RBMS1: variants seen among roughly 807,000 people sequenced by gnomAD.
RBMS1 encodes the protein RNA binding motif single stranded interacting protein 1, also known as RNA-binding motif, single-stranded-interacting protein 1.
Under a neutral mutation model 62.3 loss-of-function variants are expected in RBMS1, and 17 were observed. That is an observed-to-expected ratio of 0.27 (90% CI 0.19 to 0.41). The LOEUF (loss-of-function observed/expected upper bound fraction) is 0.41, where lower values mean the gene tolerates loss of function less well. Ranked by LOEUF, RBMS1 falls within the 10% of genes least tolerant of loss-of-function variation. The probability of loss-of-function intolerance (pLI) is 1.00; values close to 1 mark genes in which losing one functional copy is unlikely to be tolerated. For missense variants in RBMS1, 334 were observed against 504.5 expected (o/e 0.66, Z 3.24); for synonymous variants, 172 against 170.0 (o/e 1.01, Z -0.09).
chr2:160,295,210 G>A (rs573356620), intron 6 of RBMS1, among the ~76,000 whole-genome samples: 1 of 152,256 alleles, frequency 6.6e-6, no homozygotes, highest in African/African-American at 2.4e-5. Flanking sequence ...GCAAAAAGGT[G>A]GTATCCAAAA....
chr2:160,294,076 T>C (rs891660019), intron 6 of RBMS1, among the ~76,000 whole-genome samples: 7 of 152,190 alleles, frequency 4.6e-5, no homozygotes, highest in South Asian at 2.1e-4. Context: ...TTTACCCTGG[T>C]TGGGGACATT....
At chr2:160,377,535 G>A (rs992770235) in intron 1 of RBMS1, among the ~76,000 whole-genome samples, 1 of 152,236 alleles carries the variant, frequency 6.6e-6, no homozygotes, top group Non-Finnish European at 1.5e-5. Flanking sequence ...CCCCCTTCCA[G>A]CTTTAAGGAG....
At chr2:160,426,120 G>C (rs1559536789) in intron 1 of RBMS1, among the ~76,000 whole-genome samples, 1 of 151,842 alleles carries the variant, frequency 6.6e-6, no homozygotes. Context: ...TGCAGTCCTT[G>C]CACTTCCACG....
intron 2 of RBMS1, among the ~76,000 whole-genome samples, chr2:160,327,163 G>A (rs1353580519): frequency 6.6e-6 from 1 of 152,066 alleles, no homozygotes; most frequent in Non-Finnish European, 1.5e-5. Context: ...CTACATACCT[G>A]ATTTTTCATA....
chr2:160,331,581 G>GA (rs1691276833), intron 2 of RBMS1, among the ~76,000 whole-genome samples: 1 of 152,188 alleles, frequency 6.6e-6, no homozygotes, highest in Non-Finnish European at 1.5e-5. Flanking sequence ...TTGACATTCA[G>GA]AAGAAAGGAG....
At chr2:160,458,760 G>T (rs1318941150) in intron 1 of RBMS1, among the ~76,000 whole-genome samples, 1 of 150,390 alleles carries the variant, frequency 6.6e-6, no homozygotes, top group African/African-American at 2.5e-5. Context: ...TCGTGCCATT[G>T]CACTCCAGCT....
chr2:160,380,329 C>T (rs1298572533), intron 1 of RBMS1, among the ~76,000 whole-genome samples: 1 of 152,100 alleles, frequency 6.6e-6, no homozygotes, highest in Non-Finnish European at 1.5e-5. Flanking sequence ...AAGGGAAAAA[C>T]AGACTAGAGC....
chr2:160,342,324 A>T (rs1691914553), intron 2 of RBMS1, among the ~76,000 whole-genome samples: 1 of 152,168 alleles, frequency 6.6e-6, no homozygotes, highest in African/African-American at 2.4e-5. Flanking sequence ...ATTTGTTAAT[A>T]GTGCCAGTGG....
chr2:160,481,309 AT>A (rs1685360812), intron 1 of RBMS1, among the ~76,000 whole-genome samples: 1 of 150,054 alleles, frequency 6.7e-6, no homozygotes, highest in South Asian at 2.1e-4. Flanking sequence ...TTGGAAATTG[AT>A]TGCAGGCCTA....
intron 1 of RBMS1, among the ~76,000 whole-genome samples, chr2:160,453,119 TA>T (rs1684063667): frequency 6.6e-6 from 1 of 151,934 alleles, no homozygotes; most frequent in South Asian, 2.1e-4. Context: ...TGATGATGCT[TA>T]TTATTACTAT....
intron 1 of RBMS1, chr2:160,492,926 A>G: frequency 4.6e-6 from 1 of 217,758 alleles, no homozygotes; most frequent in Admixed American, 6.0e-5. Context: ...AAGCCGGGCC[A>G]CCAGCGGATC....
rs926130160 is a variant in RBMS1, at chr2:160,308,476, C to T, written c.402+4680G>A. Reference sequence around the variant, plus strand: ...TGTTTCAGGTGCTCCTTTATCCAGACAGCATAAAGGGGCTAAGTCAAGTCT... The same window carrying T: ...TGTTTCAGGTGCTCCTTTATCCAGATAGCATAAAGGGGCTAAGTCAAGTCT... On this transcript the variant is annotated intron_variant, in intron 4 of 13. Coordinates refer to ENST00000348849, the MANE Select transcript of RBMS1 (RefSeq NM_016836.4). Among the ~76,000 whole-genome samples the T allele has an allele frequency of 2.6e-5, 4 of 152,254 alleles. No individual in the cohort carries two copies. The East Asian group carries it at 7.7e-4, about 29-fold the overall frequency.
chr2:160,438,943 C>T (rs1256861009), intron 1 of RBMS1, among the ~76,000 whole-genome samples: 1 of 150,620 alleles, frequency 6.6e-6, no homozygotes, highest in Non-Finnish European at 1.5e-5. Flanking sequence ...AGAGGGGCTC[C>T]TCACTTCCCA....
chr2:160,406,646 G>A (rs1695723816), intron 1 of RBMS1, among the ~76,000 whole-genome samples: 1 of 152,168 alleles, frequency 6.6e-6, no homozygotes, highest in Admixed American at 6.5e-5. Context: ...GCTACGTTTT[G>A]TTATTGCTGC....
chr2:160,342,769 C>CAAA (rs550170417), intron 2 of RBMS1, among the ~76,000 whole-genome samples: 1 of 117,344 alleles, frequency 8.5e-6, no homozygotes, highest in African/African-American at 3.4e-5. Flanking sequence ...ATACAAAATA[C>CAAA]AAAAAAAAAA....
At chr2:160,326,930 C>T (rs192800924) in intron 2 of RBMS1, among the ~76,000 whole-genome samples, 4 of 152,270 alleles carry the variant, frequency 2.6e-5, no homozygotes, top group Admixed American at 2.0e-4. Flanking sequence ...AAAAGAATCA[C>T]AAAGTTCACT....
chr2:160,445,511 C>G (rs961779388), intron 1 of RBMS1, among the ~76,000 whole-genome samples: 2 of 152,164 alleles, frequency 1.3e-5, no homozygotes, highest in Non-Finnish European at 2.9e-5. Flanking sequence ...TCTAAAAGGT[C>G]TTTGTCAACT....
intron 1 of RBMS1, among the ~76,000 whole-genome samples, chr2:160,481,103 G>A (rs1169230201): frequency 1.4e-5 from 2 of 146,722 alleles, no homozygotes; most frequent in Non-Finnish European, 3.0e-5. Flanking sequence ...AAAAAAGCAG[G>A]AGTCCAGAAG....
At chr2:160,341,129 G>A (rs1167138863) in intron 2 of RBMS1, among the ~76,000 whole-genome samples, 1 of 152,090 alleles carries the variant, frequency 6.6e-6, no homozygotes, top group Non-Finnish European at 1.5e-5. Context: ...TAACAGAACT[G>A]GGATGTTGGC....
Sources: allele counts gnomAD v4.1 joint callset (sites outside exome capture counted in the v4.1 genomes callset), GRCh38; gene constraint gnomAD v4.1.1; transcripts MANE v1.5; gene names NCBI Gene and HGNC (gene_info 2026-07-23, HGNC 2026-07-21).